The following INTS1 variants were observed in gnomAD, a reference collection of about 807,000 sequenced individuals.
INTS1 encodes integrator complex subunit 1.
INTS1 carries 137 observed loss-of-function variants against 241.6 expected under a neutral mutation model. The ratio of observed to expected loss-of-function variants is 0.57; its 90% CI spans 0.49 to 0.65. The LOEUF is 0.65. Ranked by LOEUF, INTS1 falls within the 30% of genes least tolerant of loss-of-function variation. INTS1 has a pLI of 0.00. For synonymous variants in INTS1, 1,692 were observed against 1,337.8 expected, an observed-to-expected ratio of 1.26 and a Z score of -5.78; for missense variants, 3,073 against 3,032.2, an observed-to-expected ratio of 1.01 and a Z score of -0.32.
Position 1,495,473 on chromosome 7 carries a change from G to A in INTS1, c.1792C>T (p.Pro598Ser). 5 of 1,612,632 alleles carry A rather than the reference G, an allele frequency of 3.1e-6. No homozygotes were observed. The highest frequency in any genetic ancestry group is 4.2e-6 in the Non-Finnish European group (5 of 1,179,724). ...TTAGGGGCGAGCTTGCTGATGGAGG[G>A]GACCACAGTGTGGAGCCACCAGACG... ...DAVWWLHTVV[P>S]SISKLAPKDY... The change falls in exon 13 of 48, where the codon CCC becomes TCC. Residue 598 changes from proline (P) to serine (S), a missense_variant. Transcript: ENST00000404767.
chr7:1,495,705 T>C (rs1164579078), intron 12 of INTS1, among the ~76,000 whole-genome samples, 152 bp from the exon 13 acceptor site: 1 of 152,104 alleles, frequency 6.6e-6, no homozygotes, highest in Admixed American at 6.5e-5. Context: ...AATAACACCC[T>C]GGGAGGCATG....
chr7:1,493,129 G>A lies in INTS1; in HGVS notation c.2069-23C>T, dbSNP rs368257688. ...CATCTAAGACCAAGAGCCACACATG[G>A]GTTCTGGGGCTGCTCACAGACCATC... On this transcript the variant is annotated intron_variant, in intron 15 of 47. Coordinates refer to ENST00000404767, the MANE Select transcript of INTS1 (RefSeq NM_001080453.3). The surrounding 1 kb of genome is among the most constrained non-coding windows in gnomAD (Gnocchi z 5.3). 2.5e-6 allele frequency: 4 copies of A among 1,595,920 alleles called. No individual in the cohort carries two copies. The highest frequency in any genetic ancestry group is 2.6e-6 in the Non-Finnish European group (3 of 1,163,820).
intron 40 of INTS1, 136 bp downstream of exon 40, chr7:1,474,569 C>A: frequency 7.7e-7 from 1 of 1,306,558 alleles, no homozygotes; most frequent in Non-Finnish European, 1.0e-6. Flanking sequence ...CTGACTTCCC[C>A]CGGTCAAGCT....
In INTS1 at chr7:1,480,299, AT is replaced by A; in HGVS notation, c.4074+17del. On this transcript the variant is annotated intron_variant, in intron 30 of 47. Transcript: ENST00000404767. ...AGAGGGGCTGCAGGTGGAGACCCACATGCAGCAGCAACGCTACCTGGAGGAA... is the reference window on the plus strand; with the variant it reads ...AGAGGGGCTGCAGGTGGAGACCCACAGCAGCAGCAACGCTACCTGGAGGAA... The A allele has an allele frequency of 6.3e-7, 1 of 1,592,886 alleles. No individual in the cohort carries two copies.
intron 29 of INTS1, 54 bp from the exon 30 acceptor site, chr7:1,480,495 C>A: frequency 1.0e-5 from 16 of 1,579,546 alleles, no homozygotes; most frequent in Non-Finnish European, 1.3e-5. Context: ...CTGCTTCCAG[C>A]GGTGGGAACT....
rs548823005 is a variant in INTS1 at position 1,473,076 on chromosome 7, G to A, written c.6066C>T (p.Gly2022=). The A allele has an allele frequency of 2.4e-5, 38 of 1,599,438 alleles. No individual in the cohort carries two copies. Among genetic ancestry groups the A allele is most frequent in the East Asian group, 6.7e-5 (3 of 44,632 alleles). Residue 2022 remains glycine, a synonymous_variant, in exon 43 of 48, where the codon GGC becomes GGT. Coordinates refer to ENST00000404767, the MANE Select transcript of INTS1 (RefSeq NM_001080453.3). Reference sequence around the variant, plus strand: ...GCCCCTGGCAGCCCCACTCACCCTCGCCCTCTTCGTCCAGGCCTCGGTCGG... The same window carrying A: ...GCCCCTGGCAGCCCCACTCACCCTCACCCTCTTCGTCCAGGCCTCGGTCGG... The part of the protein sequence containing the change: ...DRTDRGLDEE[G]EEESSAGSLP...
chr7:1,498,533 T>C lies in INTS1; in HGVS notation c.1304A>G (p.Lys435Arg), dbSNP rs749141362. 6.2e-7 allele frequency: 1 copy of C among 1,613,846 alleles called. No individual in the cohort carries two copies. Among genetic ancestry groups the C allele is most frequent in the Non-Finnish European group, 8.5e-7 (1 of 1,179,854 alleles). The change falls in exon 10 of 48, where the codon AAG becomes AGG. Residue 435 changes from lysine (K) to arginine (R), a missense_variant. Physicochemically the swap from Lys to Arg is conservative, Grantham distance 26. Coordinates refer to ENST00000404767, the MANE Select transcript of INTS1 (RefSeq NM_001080453.3). ...LCIRELLSAH[K>R]DNLGTTIKLV... ...CTTGATGGTGGTGCCCAGGTTGTCC[T>C]TGTGCGCGCTCAGCAGCTCCCTGGG...
chr7:1,473,064 CCA>C lies in INTS1; in HGVS notation c.6070+6_6070+7del, dbSNP rs758871296. The C allele has an allele frequency of 4.4e-6, 7 of 1,574,404 alleles. No individual in the cohort carries two copies. The highest frequency in any genetic ancestry group is 6.1e-6 in the Non-Finnish European group (7 of 1,152,340). On this transcript the variant is annotated splice_donor_region_variant and intron_variant, in intron 43 of 47. Coordinates refer to ENST00000404767, the MANE Select transcript of INTS1 (RefSeq NM_001080453.3). ...CTGCTTCCAGCAGCCCCTGGCAGCC[CCA>C]CTCACCCTCGCCCTCTTCGTCCAGG...
At position 1,503,926 on chromosome 7, in the gene INTS1, G is replaced by A; in HGVS notation, c.35C>T (p.Pro12Leu). 1 of 1,571,528 alleles carries A rather than the reference G, an allele frequency of 6.4e-7. No individual in the cohort carries two copies. The change falls in exon 2 of 48, where the codon CCC becomes CTC. Residue 12 changes from proline to leucine, a missense_variant. Pro to Leu is a moderately conservative substitution (Grantham distance 98). Coordinates refer to ENST00000404767, the MANE Select transcript of INTS1 (RefSeq NM_001080453.3). The part of the protein sequence containing the change: ...NRAKPTTVRR[P>L]SAAAKPSGHP... ...ACCTGAGGGTTTGGCCGCGGCGCTG[G>A]GCCGGCGCACCGTGGTGGGCTTGGC...
chr7:1,480,591 G>A, intron 29 of INTS1, 150 bp from the exon 30 acceptor site: 1 of 903,340 alleles, frequency 1.1e-6, no homozygotes, highest in Non-Finnish European at 1.6e-6. Flanking sequence ...AAGGACCCCA[G>A]GTCTCGCTCA....
At chr7:1,478,016 G>A (rs1337514628) in intron 33 of INTS1, 80 bp from the exon 34 acceptor site, 1 of 1,151,920 alleles carries the variant, frequency 8.7e-7, no homozygotes, top group Non-Finnish European at 1.3e-6. Flanking sequence ...TAGCCAGGGT[G>A]GGGTGTGGGG....
chr7:1,480,688 TG>T (rs1363625810), intron 29 of INTS1, 146 bp downstream of exon 29: 11 of 740,880 alleles, frequency 1.5e-5, no homozygotes, highest in Non-Finnish European at 2.4e-5. Flanking sequence ...AGAGTTTCTG[TG>T]GGGGCCCCTC....
At chr7:1,499,386 G>A (rs1254192277) in intron 6 of INTS1, 26 bp from the exon 7 acceptor site, 3 of 1,561,638 alleles carry the variant, frequency 1.9e-6, no homozygotes, top group Non-Finnish European at 2.6e-6. Context: ...AGGGCTCCAT[G>A]CAGCGCCTCC....
At chr7:1,482,025 G>A (rs943926493) in intron 27 of INTS1, among the ~76,000 whole-genome samples, 5 of 152,218 alleles carry the variant, frequency 3.3e-5, no homozygotes, top group East Asian at 1.9e-4. Flanking sequence ...GCTTCCGGGG[G>A]CACACAACAG....
intron 3 of INTS1, among the ~76,000 whole-genome samples, chr7:1,502,555 A>G (rs959688972): frequency 2.0e-5 from 3 of 152,164 alleles, no homozygotes; most frequent in African/African-American, 7.2e-5. Flanking sequence ...CAGGATGGGC[A>G]ACCTTGAGAA....
chr7:1,497,367 A>G lies in INTS1; in HGVS notation c.1426-53T>C. 6.4e-7 allele frequency: 1 copy of G among 1,555,488 alleles called. No homozygotes were observed. The highest frequency in any genetic ancestry group is 8.7e-7 in the Non-Finnish European group (1 of 1,148,894). ...GCTGCCCGACAGTGCTGTCCCTGTCACAGGCCCCTTCCCGCAGCACCAACA... is the reference window on the plus strand; with the variant it reads ...GCTGCCCGACAGTGCTGTCCCTGTCGCAGGCCCCTTCCCGCAGCACCAACA... On this transcript the variant is annotated intron_variant, in intron 10 of 47. Coordinates refer to ENST00000404767, the MANE Select transcript of INTS1 (RefSeq NM_001080453.3). This position sits in a 1 kb window ranked among gnomAD's most constrained non-coding sequence, Gnocchi z 5.3.
Position 1,485,510 on chromosome 7 carries a change from G to T in INTS1, c.2977-41C>A, listed in dbSNP as rs548396671. 22 of 1,594,900 alleles carry T rather than the reference G, an allele frequency of 1.4e-5. No homozygotes were observed. In the South Asian group the frequency reaches 2.1e-4, roughly 15 times the overall value. ...ATGAGCTGGGCCGGCTTTCGGCAGT[G>T]CAGGCAGGGTCTCACCCTGGCCCCG... On this transcript the variant is annotated intron_variant, in intron 22 of 47. Coordinates refer to ENST00000404767, the MANE Select transcript of INTS1 (RefSeq NM_001080453.3).
chr7:1,473,508 G>T, intron 42 of INTS1, 58 bp downstream of exon 42: 1 of 1,544,740 alleles, frequency 6.5e-7, no homozygotes, highest in South Asian at 1.2e-5. Context: ...ACACCCTCCA[G>T]ACCCCGCTGG....
At position 1,499,874 on chromosome 7, in the gene INTS1, G is replaced by C; in HGVS notation, c.684+10C>G. 1 of 1,610,070 alleles carries C rather than the reference G, an allele frequency of 6.2e-7. No homozygotes were observed. On this transcript the variant is annotated intron_variant, in intron 5 of 47. Coordinates refer to ENST00000404767, the MANE Select transcript of INTS1 (RefSeq NM_001080453.3). The stretch of plus-strand genomic sequence containing the variant: ...CTGCCATCTTCACCGTCCCGGGAGA[G>C]GACGCTCACCTTGACAAAGATCTCG...
Sources: gnomAD v4.1 joint callset for allele counts (sites outside exome capture counted in the v4.1 genomes callset) on GRCh38, gnomAD v4.1.1 for gene constraint, Gnocchi (gnomAD v3.1) non-coding constraint, MANE v1.5 for transcripts, NCBI Gene and HGNC (gene_info 2026-07-23, HGNC 2026-07-21) for gene names.